The following IGSF9B variants were observed in gnomAD, a reference collection of about 807,000 sequenced individuals.
IGSF9B encodes the protein protein turtle homolog B.
A neutral mutation model predicts 143.7 loss-of-function variants in IGSF9B; 48 were observed. The observed-to-expected ratio is 0.33, with a 90% CI of 0.26 to 0.42. The LOEUF is 0.42. Ranked by LOEUF, IGSF9B falls within the 20% of genes least tolerant of loss-of-function variation. The pLI is 1.00. For missense variants in IGSF9B, 1,706 were observed against 1,980.0 expected (o/e 0.86, Z 2.63); for synonymous variants, 903 against 833.1 (o/e 1.08, Z -1.44).
chr11:133,919,469 C>T (rs1489605491), intron 18 of IGSF9B, among the ~76,000 whole-genome samples: 1 of 152,088 alleles, frequency 6.6e-6, no homozygotes. Flanking sequence ...TCCGCCGCTC[C>T]CTGGTAGGTG....
chr11:133,924,978 G>C, intron 14 of IGSF9B, 74 bp from the exon 15 acceptor site: 1 of 1,277,194 alleles, frequency 7.8e-7, no homozygotes, highest in South Asian at 1.2e-5. Flanking sequence ...CACTCATCCT[G>C]CACACAGCCT....
rs768708526 is a variant in IGSF9B, at chr11:133,921,050, G to C, written c.2675C>G (p.Ser892Trp). ...CAGTGGGTCCTCGTTCTCCTCGTCC[G>C]ACTGGCGGAACTCGGGGTACATGTC... The part of the protein sequence containing the change: ...ETDMYPEFRQ[S>W]DEENEDPLVP... Residue 892 changes from serine (S) to tryptophan (W), a missense_variant, in exon 18 of 20, where the codon TCG (serine) becomes TGG (tryptophan). Ser to Trp is a radical substitution (Grantham distance 177, BLOSUM62 -3). Coordinates refer to ENST00000533871, the MANE Select transcript of IGSF9B (RefSeq NM_001277285.4). The C allele has an allele frequency of 3.1e-6, 5 of 1,613,742 alleles. No homozygotes were observed. Among genetic ancestry groups the C allele is most frequent in the Non-Finnish European group, 4.2e-6 (5 of 1,179,850 alleles).
intron 13 of IGSF9B, 63 bp downstream of exon 13, chr11:133,926,853 C>T: frequency 7.0e-7 from 1 of 1,425,320 alleles, no homozygotes; most frequent in Non-Finnish European, 9.5e-7. Flanking sequence ...CTATAGCTGC[C>T]TGGGCCACCG....
chr11:133,908,827 T>TG lies in IGSF9B; in HGVS notation c.*241dup. 1.0e-5 allele frequency: 5 copies of TG among 494,996 alleles called. No homozygotes were observed. Among genetic ancestry groups the TG allele is most frequent in the South Asian group, 6.5e-5 (2 of 30,782 alleles). The allele number at this position is 494,996 out of a possible 1,614,324, so 30.7% of individuals were successfully genotyped here. Reference sequence around the variant, plus strand: ...CAGGGGGCGGAGGGGAGGAGACAGGTGTTGCCCAGTCTCCAATCCACTTCC... The same window carrying TG: ...CAGGGGGCGGAGGGGAGGAGACAGGTGGTTGCCCAGTCTCCAATCCACTTCC... On this transcript the variant is annotated 3_prime_UTR_variant, in exon 20 of 20. Transcript: ENST00000533871.
intron 1 of IGSF9B, among the ~76,000 whole-genome samples, chr11:133,947,276 A>T (rs1167457602): frequency 4.6e-5 from 7 of 152,220 alleles, no homozygotes; most frequent in Admixed American, 3.3e-4. Flanking sequence ...ACTGCCAGGC[A>T]GGGCCAGGGA....
At position 133,920,003 on chromosome 11, in the gene IGSF9B, G is replaced by C; in HGVS notation, c.3722C>G (p.Pro1241Arg). 1 of 1,582,420 alleles carries C rather than the reference G, an allele frequency of 6.3e-7. No individual in the cohort carries two copies. Among genetic ancestry groups the C allele is most frequent in the Non-Finnish European group, 8.6e-7 (1 of 1,164,092 alleles). ...TCGAGAAAAGCTGACTGCAGCCGGC[G>C]GCTGCAGGGTGATCTCTGACATCTC... is the stretch of plus-strand genomic sequence containing the variant. The part of the protein sequence containing the change: ...QAEMSEITLQ[P>R]PAAVSFSRKS... The change falls in exon 18 of 20, where the codon CCG becomes CGG. Residue 1241 changes from proline to arginine, a missense_variant. Physicochemically the swap from Pro to Arg is moderately radical, Grantham distance 103. Around this residue, in one of 7 missense-constraint regions of IGSF9B, gnomAD observed 880 missense variants for 762.9 expected, o/e 1.15. Coordinates refer to ENST00000533871, the MANE Select transcript of IGSF9B (RefSeq NM_001277285.4).
At chr11:133,915,189 G>A (rs931558040) in intron 18 of IGSF9B, among the ~76,000 whole-genome samples, 3 of 151,906 alleles carry the variant, frequency 2.0e-5, no homozygotes, top group African/African-American at 7.3e-5. Flanking sequence ...CAAGATGAGG[G>A]CCTCAAAGCC....
chr11:133,919,710 G>A (rs1354368664), intron 18 of IGSF9B, 32 bp downstream of exon 18: 4 of 1,322,520 alleles, frequency 3.0e-6, no homozygotes, highest in Non-Finnish European at 3.0e-6. Flanking sequence ...AAGTTGCCCA[G>A]GTGCGGGTGG....
chr11:133,924,627 G>A lies in IGSF9B; in HGVS notation c.2119+193C>T, dbSNP rs111328926. On this transcript the variant is annotated intron_variant, in intron 15 of 19. Coordinates refer to ENST00000533871, the MANE Select transcript of IGSF9B (RefSeq NM_001277285.4). ...CAGAAACTCAGCTTCTGAGCTTCAC[G>A]AAATAGCATGCATCATGGAAATATG... Among the ~76,000 whole-genome samples the A allele has an allele frequency of 2.3e-3, 352 of 152,250 alleles. 2 individuals are homozygous for A. Among genetic ancestry groups the A allele is most frequent in the African/African-American group, 8.1e-3 (338 of 41,546 alleles).
intron 3 of IGSF9B, among the ~76,000 whole-genome samples, chr11:133,943,195 C>T (rs1398782458): frequency 6.6e-6 from 1 of 152,240 alleles, no homozygotes; most frequent in Non-Finnish European, 1.5e-5. Flanking sequence ...AGCACCCACG[C>T]TGTTGAAGCC....
At position 133,898,910 on chromosome 11, in the gene IGSF9B, C is replaced by T. The variant is rs1251282568; in HGVS notation, c.*10159G>A. 6.6e-6 allele frequency: 1 copy of T among 152,230 alleles called. No homozygotes were observed. The highest frequency in any genetic ancestry group is 1.5e-5 in the Non-Finnish European group (1 of 68,110). 9.4% of individuals were successfully genotyped at this position (152,230 alleles called of 1,614,324 possible). On this transcript the variant is annotated 3_prime_UTR_variant, in exon 20 of 20. Coordinates refer to ENST00000533871, the MANE Select transcript of IGSF9B (RefSeq NM_001277285.4). Reference sequence around the variant, plus strand: ...AAAGTGGATCACCATGAACATCTACCGCCAAGAAGAGTGGAAGCGGGAAGC... The same window carrying T: ...AAAGTGGATCACCATGAACATCTACTGCCAAGAAGAGTGGAAGCGGGAAGC...
In IGSF9B at chr11:133,930,186, A is replaced by C. The variant is rs1179249088; in HGVS notation, c.1520-404T>G. On this transcript the variant is annotated intron_variant, in intron 11 of 19. Coordinates refer to ENST00000533871, the MANE Select transcript of IGSF9B (RefSeq NM_001277285.4). ...TGGCCTCAGAAGACAACTCCGTCCCACCCCAATGCTGGCATGTGGGCAGCA... is the reference window on the plus strand; with the variant it reads ...TGGCCTCAGAAGACAACTCCGTCCCCCCCCAATGCTGGCATGTGGGCAGCA... Among the ~76,000 whole-genome samples, 4 of 151,908 alleles carry C rather than the reference A, an allele frequency of 2.6e-5. No individual in the cohort carries two copies. In the East Asian group the frequency reaches 5.8e-4, roughly 22 times the overall value.
chr11:133,912,263 A>C (rs777685158), intron 18 of IGSF9B: 1 of 640,058 alleles, frequency 1.6e-6, no homozygotes. Context: ...GACCCTAGCA[A>C]AGGCAGACAG....
chr11:133,943,456 G>A (rs1177350020), intron 3 of IGSF9B, among the ~76,000 whole-genome samples: 3 of 152,034 alleles, frequency 2.0e-5, no homozygotes, highest in Admixed American at 6.5e-5. Context: ...GGGAGACCCC[G>A]AGGACCCAGC....
intron 12 of IGSF9B, 83 bp downstream of exon 12, chr11:133,929,588 C>T: frequency 9.8e-7 from 1 of 1,021,864 alleles, no homozygotes; most frequent in Admixed American, 1.8e-5. Context: ...CTACCTCCCC[C>T]CACCCGGGGT....
intron 2 of IGSF9B, 97 bp from the exon 3 acceptor site, chr11:133,944,463 A>G: frequency 7.9e-7 from 1 of 1,265,022 alleles, no homozygotes; most frequent in South Asian, 1.3e-5. Flanking sequence ...ACTCATCATA[A>G]TCTTCATACC....
In IGSF9B at chr11:133,929,775, G is replaced by T. The variant is rs1939690622; in HGVS notation, c.1527C>A (p.Ser509Arg). ...CCCGGACACTGCCCGGGGCATGGGG[G>T]CTGGTGCCTGGAGATCAAGTGGAGA... ...ASTHLTVIGT[S>R]PHAPGSVRVQ... is the part of the protein sequence containing the mutation. The change falls in exon 12 of 20, where the codon AGC (serine) becomes AGA (arginine). Residue 509 changes from serine (S) to arginine (R), a missense_variant. By Grantham distance (110) the Ser-to-Arg change is moderately radical. Transcript: ENST00000533871. 1 of 1,611,618 alleles carries T rather than the reference G, an allele frequency of 6.2e-7. No homozygotes were observed. Among genetic ancestry groups the T allele is most frequent in the Non-Finnish European group, 8.5e-7 (1 of 1,177,964 alleles).
rs188608041 is a variant in IGSF9B at position 133,910,892 on chromosome 11, G to A, written c.4105+994C>T. ...TAATTGGCTGAAAATGCAGCTTTGAGCTCCAGTTTCTAACCCAAGCCCTAA... is the reference window on the plus strand; with the variant it reads ...TAATTGGCTGAAAATGCAGCTTTGAACTCCAGTTTCTAACCCAAGCCCTAA... On this transcript the variant is annotated intron_variant, in intron 19 of 19. Transcript: ENST00000533871. 6.8e-4 allele frequency among the ~76,000 whole-genome samples: 103 copies of A among 152,262 alleles called. 2 individuals carry two copies. Among genetic ancestry groups the A allele is most frequent in the Non-Finnish European group, 1.3e-3 (87 of 68,018 alleles).
chr11:133,909,166 C>G lies in IGSF9B; in HGVS notation c.4217G>C (p.Arg1406Pro). The part of the protein sequence containing the change: ...KRHSRPDPFA[R>P]LSDLCHRQLP... ...CTGGCGGTGGCACAAGTCTGAGAGC[C>G]GGGCAAAGGGGTCAGGACGAGAATG... Residue 1406 changes from arginine to proline, a missense_variant, in exon 20 of 20, where the codon CGG (arginine) becomes CCG (proline). This residue lies in a region of IGSF9B where 880 missense variants were observed against 762.9 expected (regional missense o/e 1.15). Transcript: ENST00000533871. This position sits in a 1 kb window ranked among gnomAD's most constrained non-coding sequence, Gnocchi z 4.2. The G allele has an allele frequency of 2.6e-6, 4 of 1,535,864 alleles. No homozygotes were observed. Among genetic ancestry groups the G allele is most frequent in the Non-Finnish European group, 2.6e-6 (3 of 1,146,750 alleles).
Sources: gnomAD v4.1 joint callset for allele counts (sites outside exome capture counted in the v4.1 genomes callset) on GRCh38, gnomAD v4.1.1 for gene constraint, gnomAD v4.1.1 regional missense constraint, Gnocchi (gnomAD v3.1) non-coding constraint, MANE v1.5 for transcripts, NCBI Gene and HGNC (gene_info 2026-07-23, HGNC 2026-07-21) for gene names.